The following SGCD variants were observed in gnomAD, a reference collection of about 807,000 sequenced individuals.
The protein encoded by SGCD is sarcoglycan delta.
Under a neutral mutation model 36.6 loss-of-function variants are expected in SGCD, and 18 were observed. The observed-to-expected ratio is 0.49, with a 90% CI of 0.34 to 0.73. The LOEUF (loss-of-function observed/expected upper bound fraction) is 0.73. Among genes scored for constraint, SGCD ranks in the 30% least tolerant of loss-of-function variants. The pLI is 0.01. For missense variants in SGCD, 387 were observed against 346.7 expected (o/e 1.12, Z -0.92); for synonymous variants, 133 against 130.6 (o/e 1.02, Z -0.12).
intron 1 of SGCD, among the ~76,000 whole-genome samples, chr5:155,882,303 T>C (rs1319600713): frequency 6.6e-6 from 1 of 152,030 alleles, no homozygotes; most frequent in Non-Finnish European, 1.5e-5. Flanking sequence ...GGTCTCAAAC[T>C]TCTGGGCTCA....
chr5:156,501,385 T>G (rs1039558735), intron 3 of SGCD, among the ~76,000 whole-genome samples: 1 of 151,816 alleles, frequency 6.6e-6, no homozygotes, highest in Admixed American at 6.6e-5. Flanking sequence ...ACAAAGGGAG[T>G]CAGGGGAAGG....
At chr5:156,611,451 C>A (rs970222606) in intron 6 of SGCD, among the ~76,000 whole-genome samples, 3 of 152,178 alleles carry the variant, frequency 2.0e-5, no homozygotes, top group Admixed American at 1.3e-4. Flanking sequence ...CCCTGCCCTG[C>A]AAGGTTTCTT....
chr5:155,986,070 T>G (rs559879997), intron 1 of SGCD, among the ~76,000 whole-genome samples: 248 of 152,352 alleles, frequency 1.6e-3, no homozygotes, highest in Non-Finnish European at 2.8e-3. Context: ...AAGTTACCTT[T>G]TGTTCTATTA....
chr5:156,440,163 C>T (rs1430946561), intron 3 of SGCD, among the ~76,000 whole-genome samples: 1 of 152,092 alleles, frequency 6.6e-6, no homozygotes, highest in Admixed American at 6.6e-5. Context: ...CATTGGCAAC[C>T]TACCAATCTA....
intron 4 of SGCD, among the ~76,000 whole-genome samples, chr5:156,582,961 GT>G (rs1231166079): frequency 6.6e-6 from 1 of 152,162 alleles, no homozygotes; most frequent in Non-Finnish European, 1.5e-5. Context: ...TAACAATTGT[GT>G]TTTAATATGT....
Position 156,748,655 on chromosome 5 carries a change from G to A in SGCD, c.576-8926G>A, listed in dbSNP as rs547678975. Among the ~76,000 whole-genome samples, 60 of 152,088 alleles carry A rather than the reference G, an allele frequency of 3.9e-4. No individual in the cohort carries two copies. In the South Asian group the frequency reaches 6.0e-3, roughly 15 times the overall value. On this transcript the variant is annotated intron_variant, in intron 7 of 8. Transcript: ENST00000337851. ...TGATAAAACAGATAAAAATAGATAT[G>A]AATATTCAAAAAATTTGAGTGGAAC...
chr5:156,686,422 T>G (rs1468178460), intron 7 of SGCD, among the ~76,000 whole-genome samples: 1 of 152,202 alleles, frequency 6.6e-6, no homozygotes, highest in East Asian at 1.9e-4. Context: ...TTTCCTCCTT[T>G]GCCCTCCAGC....
chr5:156,528,215 A>G (rs1157303654), intron 4 of SGCD, among the ~76,000 whole-genome samples: 1 of 152,100 alleles, frequency 6.6e-6, no homozygotes, highest in Non-Finnish European at 1.5e-5. Flanking sequence ...AAGTTACTTG[A>G]CCTTTTCTGT....
chr5:156,184,169 T>A (rs1458773315), intron 3 of SGCD, among the ~76,000 whole-genome samples: 3 of 152,322 alleles, frequency 2.0e-5, no homozygotes, highest in African/African-American at 7.2e-5. Context: ...TTGAATACTA[T>A]ACTGAAAGTG....
chr5:156,426,836 G>A (rs1005561944), intron 3 of SGCD, among the ~76,000 whole-genome samples: 1 of 151,950 alleles, frequency 6.6e-6, no homozygotes, highest in Non-Finnish European at 1.5e-5. Context: ...TTGCTTTGTT[G>A]AAAATCAGTT....
chr5:155,776,424 C>T, the SGCD span, among the ~76,000 whole-genome samples: 381 of 152,162 alleles, frequency 2.5e-3, 1 homozygote, highest in African/African-American at 7.1e-3. Flanking sequence ...ATAAATGAGA[C>T]AATGTGTGTA....
the SGCD span, among the ~76,000 whole-genome samples, chr5:155,841,609 A>G: frequency 6.6e-6 from 1 of 152,242 alleles, no homozygotes; most frequent in South Asian, 2.1e-4. Flanking sequence ...AACTCTTTAT[A>G]TATTAGTGAT....
At chr5:155,885,398 G>T (rs1472780760) in intron 1 of SGCD, among the ~76,000 whole-genome samples, 1 of 116,046 alleles carries the variant, frequency 8.6e-6, no homozygotes, top group Non-Finnish European at 1.7e-5. Flanking sequence ...TGGGTAGAGA[G>T]AAACCACTTG....
chr5:156,214,173 T>C (rs991789458), intron 3 of SGCD, among the ~76,000 whole-genome samples: 5 of 151,986 alleles, frequency 3.3e-5, no homozygotes, highest in African/African-American at 1.2e-4. Context: ...TTATCTCTGC[T>C]TGCAGATATC....
At chr5:156,448,731 C>CTTTTTTTTTTTTTTTT (rs1158844774) in intron 3 of SGCD, among the ~76,000 whole-genome samples, 10 of 76,016 alleles carry the variant, frequency 1.3e-4, no homozygotes, top group African/African-American at 4.3e-4. Context: ...TTTTCTTTTT[C>CTTTTTTTTTTTTTTTT]TTTTTTTTTT....
chr5:156,500,169 T>C (rs909476393), intron 3 of SGCD, among the ~76,000 whole-genome samples: 3 of 152,176 alleles, frequency 2.0e-5, no homozygotes, highest in African/African-American at 7.2e-5. Flanking sequence ...CTCTAATAAA[T>C]TGGAATCTCA....
intron 4 of SGCD, among the ~76,000 whole-genome samples, chr5:156,585,240 C>A (rs1325111390): frequency 6.6e-6 from 1 of 152,178 alleles, no homozygotes; most frequent in East Asian, 1.9e-4. Flanking sequence ...GAAATCTACC[C>A]AAGCATATTT....
intron 4 of SGCD, among the ~76,000 whole-genome samples, chr5:156,534,985 T>G (rs1758040161): frequency 6.6e-6 from 1 of 152,220 alleles, no homozygotes; most frequent in Admixed American, 6.5e-5. Flanking sequence ...CATCTCCATT[T>G]ATTAATTCCA....
intron 4 of SGCD, among the ~76,000 whole-genome samples, chr5:156,530,903 A>G (rs17558929): frequency 0.12 from 18,683 of 152,210 alleles, 1,318 homozygotes; most frequent in Admixed American, 0.17. Flanking sequence ...TATTGCTGCT[A>G]CAAAGAGCCT....
Sources: allele counts gnomAD v4.1 joint callset (sites outside exome capture counted in the v4.1 genomes callset), GRCh38; gene constraint gnomAD v4.1.1; transcripts MANE v1.5; gene names NCBI Gene and HGNC (gene_info 2026-07-23, HGNC 2026-07-21).